The following SUPT5H variants were observed in gnomAD, a reference collection of about 807,000 sequenced individuals.
The protein encoded by SUPT5H is transcription elongation factor SPT5.
A neutral mutation model predicts 142.5 loss-of-function variants in SUPT5H; 24 were observed. The ratio of observed to expected loss-of-function variants is 0.17; its 90% CI spans 0.12 to 0.24. The LOEUF (loss-of-function observed/expected upper bound fraction) is 0.24, where lower values mean the gene tolerates loss of function less well. Among genes scored for constraint, SUPT5H ranks in the 10% least tolerant of loss-of-function variants. The pLI is 1.00. For synonymous variants in SUPT5H, 546 were observed against 553.0 expected, an observed-to-expected ratio of 0.99 and a Z score of 0.18; for missense variants, 893 against 1,471.8, an observed-to-expected ratio of 0.61 and a Z score of 6.43.
rs1351867184 is a variant in SUPT5H, at chr19:39,459,001, C to T, written c.390-4C>T. On this transcript the variant is annotated splice_region_variant and splice_polypyrimidine_tract_variant and intron_variant, in intron 6 of 29. Coordinates refer to ENST00000432763, the MANE Select transcript of SUPT5H (RefSeq NM_001111020.3). ...TCGTGTTTGCTTCCCCACTCGTGCT[C>T]CAGGGACCAGCGAGAAGAAGAACTG... 1.9e-6 allele frequency: 3 copies of T among 1,614,046 alleles called. No individual in the cohort carries two copies. Among genetic ancestry groups the T allele is most frequent in the Admixed American group, 1.7e-5 (1 of 60,016 alleles).
rs186896589 is a variant in SUPT5H, at chr19:39,464,784, G to T, written c.625-14G>T. ...TGTCTCACTGTTTCCTCCTTCCACC[G>T]GCTCACCCTGCAGCCCCTGCAGATC... On this transcript the variant is annotated splice_polypyrimidine_tract_variant and intron_variant, in intron 10 of 29. Coordinates refer to ENST00000432763, the MANE Select transcript of SUPT5H (RefSeq NM_001111020.3). 1,068 of 1,586,750 alleles carry T rather than the reference G, an allele frequency of 6.7e-4. 8 individuals are homozygous for T. The African/African-American group carries it at 0.013, about 19-fold the overall frequency.
chr19:39,475,820 TGG>T, intron 28 of SUPT5H: 1 of 491,818 alleles, frequency 2.0e-6, no homozygotes, highest in Non-Finnish European at 3.7e-6. Context: ...GAGGCCAGTT[TGG>T]GACATGAAGA....
chr19:39,456,392 A>C (rs1302454160), intron 3 of SUPT5H, among the ~76,000 whole-genome samples: 1 of 125,192 alleles, frequency 8.0e-6, no homozygotes, highest in Non-Finnish European at 1.6e-5. Context: ...ACCAGGCCTG[A>C]CTAGACTGTT....
intron 3 of SUPT5H, among the ~76,000 whole-genome samples, chr19:39,453,725 C>T (rs143680313): frequency 3.3e-5 from 5 of 152,252 alleles, no homozygotes; most frequent in East Asian, 1.9e-4. Flanking sequence ...CCACCACGCC[C>T]GGCTAATTTT....
intron 10 of SUPT5H, among the ~76,000 whole-genome samples, chr19:39,463,844 A>G (rs1376535462): frequency 6.6e-6 from 1 of 152,128 alleles, no homozygotes; most frequent in Admixed American, 6.6e-5. Flanking sequence ...TTAGTTTCAT[A>G]TACATTTGTA....
chr19:39,453,479 C>G lies in SUPT5H; in HGVS notation c.199C>G (p.Pro67Ala). Reference protein sequence around the residue: ...EEEEEDDDRPPKKPRHGGFIL... With the variant: ...EEEEEDDDRPAKKPRHGGFIL... ...GGAGGAAGAAGATGATGACCGACCC[C>G]CCAAGAAACCCCGCCATGGAGGCTT... is the stretch of plus-strand genomic sequence containing the variant. The change falls in exon 3 of 30, where the codon CCC (proline) becomes GCC (alanine). Residue 67 changes from proline to alanine, a missense_variant. Physicochemically the swap from Pro to Ala is conservative, Grantham distance 27. Transcript: ENST00000432763. 6.5e-7 allele frequency: 1 copy of G among 1,549,712 alleles called. No homozygotes were observed.
At position 39,445,791 on chromosome 19, in the gene SUPT5H, T is replaced by C; in HGVS notation, c.-87-13T>C. 6.8e-7 allele frequency: 1 copy of C among 1,460,072 alleles called. No individual in the cohort carries two copies. The highest frequency in any genetic ancestry group is 1.2e-5 in the South Asian group (1 of 83,468). 90.4% of individuals were successfully genotyped at this position (1,460,072 alleles called of 1,614,324 possible). ...GCCTGCCGGAAGCGCCCTAAGGGGT[T>C]TTCTTCTCCCAGGGAACCAGCGGGG... is the stretch of plus-strand genomic sequence containing the variant. On this transcript the variant is annotated splice_polypyrimidine_tract_variant and intron_variant, in intron 1 of 29. Transcript: ENST00000432763.
chr19:39,476,159 C>T lies in SUPT5H; in HGVS notation c.3103C>T (p.Pro1035Ser). Residue 1035 changes from proline to serine, a missense_variant, in exon 29 of 30, where the codon CCC (proline) becomes TCC (serine). By Grantham distance (74) the Pro-to-Ser change is moderately conservative. Coordinates refer to ENST00000432763, the MANE Select transcript of SUPT5H (RefSeq NM_001111020.3). ...ISSEHLEPIT[P>S]TKNNKVKVIL... ...CAGTGAGCACCTGGAGCCTATCACC[C>T]CCACCAAGAACAACAAGGTAAGGGC... 2 of 1,614,080 alleles carry T rather than the reference C, an allele frequency of 1.2e-6. No individual in the cohort carries two copies. Among genetic ancestry groups the T allele is most frequent in the Non-Finnish European group, 1.7e-6 (2 of 1,180,018 alleles).
rs1245699961 is a variant in SUPT5H, at chr19:39,466,712, C to T, written c.1004C>T (p.Pro335Leu). 6.2e-7 allele frequency: 1 copy of T among 1,614,104 alleles called. No homozygotes were observed. Among genetic ancestry groups the T allele is most frequent in the East Asian group, 2.2e-5 (1 of 44,894 alleles). Residue 335 changes from proline (P) to leucine (L), a missense_variant, in exon 13 of 30, where the codon CCT (proline) becomes CTT (leucine). Coordinates refer to ENST00000432763, the MANE Select transcript of SUPT5H (RefSeq NM_001111020.3). This position sits in a 1 kb window ranked among gnomAD's most constrained non-coding sequence, Gnocchi z 4.3. ...WFAKRKKFKR[P>L]PQRLFDAEKI... Reference sequence around the variant, plus strand: ...GCCAAAAGGAAGAAGTTTAAGCGGCCTCCACAGAGGCTGTTTGATGCTGAG... The same window carrying T: ...GCCAAAAGGAAGAAGTTTAAGCGGCTTCCACAGAGGCTGTTTGATGCTGAG...
At chr19:39,457,351 C>G (rs1476424559) in intron 3 of SUPT5H, among the ~76,000 whole-genome samples, 1 of 152,198 alleles carries the variant, frequency 6.6e-6, no homozygotes, top group Admixed American at 6.5e-5. Context: ...TTTTAAAAAA[C>G]TATTTATTGA....
intron 10 of SUPT5H, 53 bp downstream of exon 10, chr19:39,460,013 G>C (rs2079141106): frequency 1.3e-6 from 2 of 1,586,722 alleles, no homozygotes; most frequent in Admixed American, 3.3e-5. Flanking sequence ...CACCCAGAGG[G>C]AAGAACATTG....
Position 39,468,777 on chromosome 19 carries a change from C to T in SUPT5H, c.1059C>T (p.Ala353=). The change falls in exon 14 of 30, where the codon GCC becomes GCT. Residue 353 remains alanine (A), a synonymous_variant. Transcript: ENST00000432763. ...EKIRSLGGDV[A]SDGDFLIFEG... ...CCAGGTCCCTGGGGGGTGATGTTGC[C>T]TCTGATGGTGACTTCCTCATCTTTG... The T allele has an allele frequency of 6.2e-7, 1 of 1,614,140 alleles. No individual in the cohort carries two copies. Among genetic ancestry groups the T allele is most frequent in the Non-Finnish European group, 8.5e-7 (1 of 1,180,022 alleles).
intron 10 of SUPT5H, 165 bp downstream of exon 10, chr19:39,460,125 C>T: frequency 3.0e-6 from 2 of 674,028 alleles, no homozygotes; most frequent in Non-Finnish European, 5.2e-6. Flanking sequence ...AAGGGCTCTT[C>T]TCGGCCTAGA....
Position 39,458,617 on chromosome 19 carries a change from G to A in SUPT5H, c.320-201G>A. On this transcript the variant is annotated intron_variant, in intron 5 of 29. Coordinates refer to ENST00000432763, the MANE Select transcript of SUPT5H (RefSeq NM_001111020.3). This position sits in a 1 kb window ranked among gnomAD's most constrained non-coding sequence, Gnocchi z 4.2. ...AGCTGGAAGCCCCCCAACTTGCTGG[G>A]CCCCATCCCCAGTCTTTTTGACAAG... is the stretch of plus-strand genomic sequence containing the variant. 1 of 703,990 alleles carries A rather than the reference G, an allele frequency of 1.4e-6. No individual in the cohort carries two copies. The highest frequency in any genetic ancestry group is 1.8e-5 in the African/African-American group (1 of 55,808). 43.6% of individuals were successfully genotyped at this position (703,990 alleles called of 1,614,324 possible).
intron 11 of SUPT5H, 110 bp downstream of exon 11, chr19:39,465,159 A>G (rs2079218445): frequency 6.9e-7 from 1 of 1,449,534 alleles, no homozygotes; most frequent in Non-Finnish European, 9.3e-7. Flanking sequence ...AATCCCACTC[A>G]GATGAGTTGA....
At position 39,474,256 on chromosome 19, in the gene SUPT5H, C is replaced by G. The variant is rs1445636885; in HGVS notation, c.2674C>G (p.Pro892Ala). 6.2e-7 allele frequency: 1 copy of G among 1,613,996 alleles called. No individual in the cohort carries two copies. Among genetic ancestry groups the G allele is most frequent in the African/African-American group, 1.3e-5 (1 of 74,908 alleles). Residue 892 changes from proline to alanine, a missense_variant, in exon 27 of 30, where the codon CCC becomes GCC. By Grantham distance (27) the Pro-to-Ala change is conservative. This residue lies in a region of SUPT5H where 336 missense variants were observed against 546.5 expected (regional missense o/e 0.61). Transcript: ENST00000432763. The surrounding 1 kb of genome is among the most constrained non-coding windows in gnomAD (Gnocchi z 6.5). ...PAMYNTDQFS[P>A]YAAPSPQGSY... is the part of the protein sequence containing the mutation. ...CAGGTACAACACAGACCAGTTCTCT[C>G]CCTATGCTGCCCCCTCCCCACAAGG...
At chr19:39,446,019 C>A in intron 2 of SUPT5H, 54 bp downstream of exon 2, 1 of 1,572,228 alleles carries the variant, frequency 6.4e-7, no homozygotes, top group Non-Finnish European at 8.6e-7. Flanking sequence ...GGACTCCGGG[C>A]AGAAAGGCCC....
chr19:39,462,839 CTT>C (rs71169597), intron 10 of SUPT5H, among the ~76,000 whole-genome samples: 3 of 110,334 alleles, frequency 2.7e-5, no homozygotes, highest in Admixed American at 1.1e-4. Flanking sequence ...CCTTAATTTT[CTT>C]TTTTTTTTTT....
intron 28 of SUPT5H, among the ~76,000 whole-genome samples, chr19:39,475,557 G>T (rs1164888939): frequency 6.6e-6 from 1 of 151,948 alleles, no homozygotes; most frequent in Non-Finnish European, 1.5e-5. Context: ...CTCCATCAGT[G>T]ATGGATTGGG....
Sources: allele counts gnomAD v4.1 joint callset (sites outside exome capture counted in the v4.1 genomes callset), GRCh38; gene constraint gnomAD v4.1.1; regional missense constraint gnomAD v4.1.1; non-coding constraint Gnocchi (gnomAD v3.1); transcripts MANE v1.5; gene names NCBI Gene and HGNC (gene_info 2026-07-23, HGNC 2026-07-21).